Variants in PCDHA8 observed in about 807,000 individuals in gnomAD.
The protein encoded by PCDHA8 is protocadherin alpha-8.
A neutral mutation model predicts 61.8 loss-of-function variants in PCDHA8; 53 were observed. That is an observed-to-expected ratio of 0.86 (90% CI 0.69 to 1.08). The LOEUF (loss-of-function observed/expected upper bound fraction) is 1.08. Ranked by LOEUF, PCDHA8 falls within the 50% of genes least tolerant of loss-of-function variation. The pLI, the probability that PCDHA8 is intolerant of heterozygous loss-of-function variation, is 0.00. For missense variants in PCDHA8, 1,293 were observed against 1,245.0 expected (o/e 1.04, Z -0.58); for synonymous variants, 618 against 556.6 (o/e 1.11, Z -1.55).
At chr5:140,976,232 G>C (rs2096707189) in intron 1 of PCDHA8, among the ~76,000 whole-genome samples, 1 of 152,098 alleles carries the variant, frequency 6.6e-6, no homozygotes, top group Non-Finnish European at 1.5e-5. Flanking sequence ...AAAAATATAT[G>C]TCATTTCATG....
At chr5:140,856,595 A>G in intron 1 of PCDHA8, 1 of 1,597,868 alleles carries the variant, frequency 6.3e-7, no homozygotes. Context: ...TGATATTATA[A>G]ACAAAAAAGA....
chr5:140,982,267 A>T, intron 2 of PCDHA8: 4 of 883,458 alleles, frequency 4.5e-6, no homozygotes, highest in Non-Finnish European at 6.5e-6. Context: ...GTGTTCCTGG[A>T]ATAGTATAGC....
intron 1 of PCDHA8, among the ~76,000 whole-genome samples, chr5:140,936,386 A>C (rs1321919652): frequency 6.6e-6 from 1 of 152,190 alleles, no homozygotes; most frequent in African/African-American, 2.4e-5. Context: ...GTGGCTAGTG[A>C]AACTGGGCTA....
At chr5:140,975,307 A>G (rs1190412792) in intron 1 of PCDHA8, among the ~76,000 whole-genome samples, 1 of 152,162 alleles carries the variant, frequency 6.6e-6, no homozygotes, top group Non-Finnish European at 1.5e-5. Context: ...AGCTCATGTG[A>G]TTATGTCAGT....
intron 1 of PCDHA8, chr5:140,927,831 G>T: frequency 6.2e-7 from 1 of 1,614,186 alleles, no homozygotes; most frequent in Non-Finnish European, 8.5e-7. Flanking sequence ...TTGAGGCGAG[G>T]GACGAAGGTG....
At chr5:140,928,307 C>T in intron 1 of PCDHA8, 1 of 1,614,150 alleles carries the variant, frequency 6.2e-7, no homozygotes, top group Non-Finnish European at 8.5e-7. Context: ...GCCCAGGACC[C>T]CGACCTGGGG....
intron 1 of PCDHA8, chr5:140,883,167 G>A (rs781855278): frequency 6.2e-7 from 1 of 1,613,864 alleles, no homozygotes; most frequent in East Asian, 2.2e-5. Context: ...CCGAACAATG[G>A]AGAAATTAGG....
intron 3 of PCDHA8, among the ~76,000 whole-genome samples, chr5:140,985,628 T>C (rs1399381029): frequency 6.6e-6 from 1 of 152,116 alleles, no homozygotes; most frequent in Non-Finnish European, 1.5e-5. Flanking sequence ...TGTGTATTGC[T>C]CTTCTCATCC....
At chr5:140,851,455 C>T in intron 1 of PCDHA8, 1 of 898,662 alleles carries the variant, frequency 1.1e-6, no homozygotes, top group Non-Finnish European at 1.4e-6. Context: ...CTTTAGGAAT[C>T]AAATTATGTC....
intron 1 of PCDHA8, chr5:140,857,579 G>A (rs782552455): frequency 3.1e-6 from 5 of 1,596,586 alleles, no homozygotes; most frequent in East Asian, 2.2e-5. Flanking sequence ...GTCGGTGCAC[G>A]CGGAGAGCGG....
chr5:140,883,142 G>A (rs150205860), intron 1 of PCDHA8: 1 of 1,614,004 alleles, frequency 6.2e-7, no homozygotes, highest in South Asian at 1.1e-5. Flanking sequence ...AGTGGTATAT[G>A]CATTTACCAT....
At chr5:140,876,478 G>T in intron 1 of PCDHA8, 1 of 1,614,032 alleles carries the variant, frequency 6.2e-7, no homozygotes, top group Non-Finnish European at 8.5e-7. Flanking sequence ...TCACAGCATG[G>T]TCCTGGTGGA....
At chr5:141,002,097 G>A (rs782083569) in intron 3 of PCDHA8, among the ~76,000 whole-genome samples, 3 of 152,230 alleles carry the variant, frequency 2.0e-5, no homozygotes, top group Non-Finnish European at 4.4e-5. Flanking sequence ...TCCAGGGGCT[G>A]GGCCGGAAAC....
At chr5:140,900,713 G>A (rs1367112592) in intron 1 of PCDHA8, among the ~76,000 whole-genome samples, 1 of 152,194 alleles carries the variant, frequency 6.6e-6, no homozygotes, top group Non-Finnish European at 1.5e-5. Context: ...TGGAAAGAAA[G>A]GAAATCCTAC....
intron 1 of PCDHA8, among the ~76,000 whole-genome samples, chr5:140,948,738 A>T (rs1347138284): frequency 6.6e-6 from 1 of 151,488 alleles, no homozygotes; most frequent in African/African-American, 2.4e-5. Flanking sequence ...CTAGCTGAGA[A>T]TTTATCAATT....
intron 1 of PCDHA8, among the ~76,000 whole-genome samples, chr5:140,872,594 T>A (rs1554166277): frequency 1.3e-5 from 2 of 152,130 alleles, no homozygotes; most frequent in African/African-American, 2.4e-5. Context: ...GAGACCCCCA[T>A]CTGAAAAAAT....
intron 1 of PCDHA8, among the ~76,000 whole-genome samples, chr5:140,960,351 T>C (rs1268803425): frequency 3.3e-5 from 5 of 152,192 alleles, no homozygotes; most frequent in African/African-American, 7.2e-5. Flanking sequence ...AGATATGTAC[T>C]GAAATAATAT....
chr5:141,003,740 C>T (rs1490080996), intron 3 of PCDHA8, among the ~76,000 whole-genome samples: 1 of 152,146 alleles, frequency 6.6e-6, no homozygotes, highest in African/African-American at 2.4e-5. Flanking sequence ...AAAGCAAAAC[C>T]ATATTTTGTA....
At chr5:140,857,103 C>G in intron 1 of PCDHA8, 1 of 1,597,644 alleles carries the variant, frequency 6.3e-7, no homozygotes, top group Non-Finnish European at 8.6e-7. Flanking sequence ...GTGATTGTCA[C>G]TTCTCTGTCT....
Sources: gnomAD v4.1 joint callset for allele counts (sites outside exome capture counted in the v4.1 genomes callset) on GRCh38, gnomAD v4.1.1 for gene constraint, MANE v1.5 for transcripts, NCBI Gene and HGNC (gene_info 2026-07-23, HGNC 2026-07-21) for gene names.